Variants in MDGA2 observed in about 807,000 individuals in gnomAD.
MDGA2 encodes the protein MAM domain-containing glycosylphosphatidylinositol anchor protein 2.
Under a neutral mutation model 117.8 loss-of-function variants are expected in MDGA2, and 40 were observed. The ratio of observed to expected loss-of-function variants is 0.34; its 90% CI spans 0.26 to 0.44. The LOEUF (loss-of-function observed/expected upper bound fraction) is 0.44. Among genes scored for constraint, MDGA2 ranks in the 20% least tolerant of loss-of-function variants. The probability of loss-of-function intolerance (pLI) is 1.00; values close to 1 mark genes in which losing one functional copy is unlikely to be tolerated. For synonymous variants in MDGA2, 452 were observed against 439.0 expected, an observed-to-expected ratio of 1.03 and a Z score of -0.37; for missense variants, 1,123 against 1,250.6, an observed-to-expected ratio of 0.90 and a Z score of 1.54.
chr14:47,277,214 C>G (rs1171651017), intron 2 of MDGA2, among the ~76,000 whole-genome samples: 1 of 152,186 alleles, frequency 6.6e-6, no homozygotes, highest in African/African-American at 2.4e-5. Flanking sequence ...GAGCACTTCC[C>G]TTAACAAATC....
intron 3 of MDGA2, chr14:47,201,104 T>C (rs1463842436): frequency 3.7e-6 from 3 of 815,776 alleles, no homozygotes; most frequent in Non-Finnish European, 6.6e-6. Context: ...ACCTCCGCCA[T>C]CTTCGGCAGC....
intron 9 of MDGA2, among the ~76,000 whole-genome samples, chr14:46,948,393 T>C (rs892717571): frequency 2.0e-5 from 3 of 151,772 alleles, no homozygotes; most frequent in African/African-American, 7.3e-5. Flanking sequence ...AGGGAAGGAG[T>C]GCTTCAGGAC....
At chr14:47,119,050 CTCTT>C (rs1307057302) in intron 5 of MDGA2, among the ~76,000 whole-genome samples, 1 of 120,056 alleles carries the variant, frequency 8.3e-6, no homozygotes, top group Admixed American at 1.0e-4. Flanking sequence ...CCTACATATT[CTCTT>C]TTTTTTTTTT....
intron 7 of MDGA2, among the ~76,000 whole-genome samples, chr14:47,046,936 G>A (rs1294126787): frequency 6.6e-6 from 1 of 151,998 alleles, no homozygotes; most frequent in Non-Finnish European, 1.5e-5. Context: ...ACTACTCTGG[G>A]AGTAACAAAA....
intron 1 of MDGA2, among the ~76,000 whole-genome samples, chr14:47,411,219 G>C (rs749458135): frequency 1.3e-5 from 2 of 152,004 alleles, no homozygotes; most frequent in Non-Finnish European, 2.9e-5. Context: ...TACCATAAAC[G>C]TCCTTTTTTT....
chr14:47,213,243 T>G (rs921641420), intron 3 of MDGA2, among the ~76,000 whole-genome samples: 2 of 152,220 alleles, frequency 1.3e-5, no homozygotes, highest in African/African-American at 4.8e-5. Flanking sequence ...TCCTTCAGAA[T>G]TTCAAAAGCT....
intron 2 of MDGA2, among the ~76,000 whole-genome samples, chr14:47,245,979 C>T (rs1469200820): frequency 1.3e-5 from 2 of 151,720 alleles, no homozygotes; most frequent in African/African-American, 4.8e-5. Context: ...AGAAAAGCAA[C>T]TTTCTTGCTC....
At chr14:47,396,694 CA>C (rs1481860210) in intron 1 of MDGA2, among the ~76,000 whole-genome samples, 1 of 152,186 alleles carries the variant, frequency 6.6e-6, no homozygotes, top group African/African-American at 2.4e-5. Flanking sequence ...AGACACTTCT[CA>C]AAAGAAGACA....
intron 1 of MDGA2, among the ~76,000 whole-genome samples, chr14:47,463,320 G>A (rs547282833): frequency 1.3e-5 from 2 of 152,224 alleles, no homozygotes; most frequent in African/African-American, 4.8e-5. Flanking sequence ...GTGCAATGAT[G>A]GATATTGTGT....
chr14:47,417,148 T>A (rs1892492013), intron 1 of MDGA2, among the ~76,000 whole-genome samples: 1 of 152,198 alleles, frequency 6.6e-6, no homozygotes, highest in Non-Finnish European at 1.5e-5. Context: ...TATAAATAAG[T>A]TGAGAATTTT....
At chr14:47,115,110 GATAAA>G (rs1408074522) in intron 5 of MDGA2, among the ~76,000 whole-genome samples, 3 of 151,986 alleles carry the variant, frequency 2.0e-5, no homozygotes, top group Non-Finnish European at 4.4e-5. Context: ...CTAAAGGGCA[GATAAA>G]ATAAATAAAA....
intron 1 of MDGA2, among the ~76,000 whole-genome samples, chr14:47,358,330 G>A (rs1566753104): frequency 1.3e-5 from 2 of 152,180 alleles, no homozygotes; most frequent in East Asian, 3.9e-4. Flanking sequence ...CTTCCCTAGT[G>A]GTCTCTGTAC....
intron 1 of MDGA2, among the ~76,000 whole-genome samples, chr14:47,336,445 A>G (rs1036760642): frequency 6.6e-6 from 1 of 152,012 alleles, no homozygotes; most frequent in Non-Finnish European, 1.5e-5. Context: ...TTTAAGAGGA[A>G]GAAATACTTG....
chr14:46,959,103 C>G (rs1484119967), intron 8 of MDGA2, among the ~76,000 whole-genome samples: 1 of 152,064 alleles, frequency 6.6e-6, no homozygotes, highest in Non-Finnish European at 1.5e-5. Flanking sequence ...TTAAAAAATT[C>G]TCCTTGTAGT....
chr14:47,508,843 C>A (rs2138688222), intron 1 of MDGA2, among the ~76,000 whole-genome samples: 1 of 151,064 alleles, frequency 6.6e-6, no homozygotes, highest in Middle Eastern at 3.4e-3. Flanking sequence ...CTATGCCCGG[C>A]TAATTTTTAA....
chr14:46,939,887 G>T (rs1189983364), intron 9 of MDGA2, among the ~76,000 whole-genome samples: 3 of 152,134 alleles, frequency 2.0e-5, no homozygotes, highest in Non-Finnish European at 4.4e-5. Context: ...TTTGGGTATG[G>T]TTGCTCACAA....
At chr14:46,873,276 T>G in intron 14 of MDGA2, 157 bp downstream of exon 14, 1 of 604,694 alleles carries the variant, frequency 1.7e-6, no homozygotes, top group Non-Finnish European at 2.6e-6. Context: ...TGGGAAAAAA[T>G]TCTTACTATC....
rs74649777 is a variant in MDGA2 at position 47,155,707 on chromosome 14, C to T, written c.596-11433G>A. Among the ~76,000 whole-genome samples, 496 of 152,008 alleles carry T rather than the reference C, an allele frequency of 3.3e-3. 12 individuals carry two copies. In the East Asian group the frequency reaches 0.072, roughly 22 times the overall value. On this transcript the variant is annotated intron_variant, in intron 3 of 16. Transcript: ENST00000399232. ...ACAGGTGTGAGATCCAGGCCAGTAG[C>T]GCAAGCTGAGCACAGCCTAACAGGC...
intron 1 of MDGA2, among the ~76,000 whole-genome samples, chr14:47,415,501 T>C (rs902247154): frequency 3.3e-5 from 5 of 152,188 alleles, no homozygotes; most frequent in Non-Finnish European, 7.3e-5. Context: ...TATATAGTTA[T>C]AATTGTTCTA....
Sources: gnomAD v4.1 joint callset for allele counts (sites outside exome capture counted in the v4.1 genomes callset) on GRCh38, gnomAD v4.1.1 for gene constraint, MANE v1.5 for transcripts, NCBI Gene and HGNC (gene_info 2026-07-23, HGNC 2026-07-21) for gene names.